Variants in GPR63 observed in about 807,000 individuals in gnomAD.
GPR63 encodes G protein-coupled receptor 63, also known as probable G protein-coupled receptor 63.
Under a neutral mutation model 23.1 loss-of-function variants are expected in GPR63, and 12 were observed. The ratio of observed to expected loss-of-function variants is 0.52; its 90% CI spans 0.33 to 0.84. The LOEUF (loss-of-function observed/expected upper bound fraction) is 0.84. Among genes scored for constraint, GPR63 ranks in the 40% least tolerant of loss-of-function variants. GPR63 has a pLI of 0.02. For synonymous variants in GPR63, 172 were observed against 191.1 expected (o/e 0.90, Z 0.82); for missense variants, 472 against 515.6 (o/e 0.92, Z 0.82).
Position 96,799,326 on chromosome 6 carries a change from G to T in GPR63, c.406C>A (p.Pro136Thr). The change falls in exon 2 of 2, where the codon CCC becomes ACC. Residue 136 changes from proline (P) to threonine (T), a missense_variant. Transcript: ENST00000229955. ...GTAAGAATAGTTACCAGGGCAAAGGGCATGTTCAGCACTGCAAGCAACATG... is the reference window on the plus strand; with the variant it reads ...GTAAGAATAGTTACCAGGGCAAAGGTCATGTTCAGCACTGCAAGCAACATG... The part of the protein sequence containing the change: ...ADMLLAVLNM[P>T]FALVTILTTR... 3 of 1,614,104 alleles carry T rather than the reference G, an allele frequency of 1.9e-6. No individual in the cohort carries two copies. The highest frequency in any genetic ancestry group is 1.7e-6 in the Non-Finnish European group (2 of 1,180,010).
chr6:96,827,618 G>A (rs553106296), intron 1 of GPR63, among the ~76,000 whole-genome samples: 1 of 152,208 alleles, frequency 6.6e-6, no homozygotes, highest in South Asian at 2.1e-4. Flanking sequence ...AGGAGAAAGA[G>A]AGTATCTTCA....
chr6:96,835,382 T>C (rs1367707888), intron 1 of GPR63, among the ~76,000 whole-genome samples: 1 of 152,132 alleles, frequency 6.6e-6, no homozygotes, highest in South Asian at 2.1e-4. Context: ...TACATAAATA[T>C]AGATATATGT....
At chr6:96,806,979 C>T (rs939377993) in intron 1 of GPR63, among the ~76,000 whole-genome samples, 2 of 152,192 alleles carry the variant, frequency 1.3e-5, no homozygotes, top group South Asian at 2.1e-4. Context: ...CTTGGAAGCC[C>T]GTAAGGGCAC....
At chr6:96,836,955 C>A (rs1774746802) in intron 1 of GPR63, among the ~76,000 whole-genome samples, 1 of 151,744 alleles carries the variant, frequency 6.6e-6, no homozygotes, top group South Asian at 2.1e-4. Flanking sequence ...CCTCTGCAGC[C>A]GACCGTTTTC....
Position 96,798,392 on chromosome 6 carries a change from A to G in GPR63, c.*80T>C, listed in dbSNP as rs1035014018. The G allele has an allele frequency of 6.9e-7, 1 of 1,442,690 alleles. No homozygotes were observed. The highest frequency in any genetic ancestry group is 9.4e-7 in the Non-Finnish European group (1 of 1,064,472). The allele number at this position is 1,442,690 out of a possible 1,614,324, so 89.4% of individuals were successfully genotyped here. ...ATACACAAACCCTATAAAAAAAAAT[A>G]AAGTGGAGAGGCTATGAGAAAGAGA... On this transcript the variant is annotated 3_prime_UTR_variant, in exon 2 of 2. Coordinates refer to ENST00000229955, the MANE Select transcript of GPR63 (RefSeq NM_030784.4).
In GPR63 at chr6:96,834,331, T is replaced by C. The variant is rs115781345; in HGVS notation, c.-151+2937A>G. On this transcript the variant is annotated intron_variant, in intron 1 of 1. Transcript: ENST00000229955. ...GCAAAAGTACCAATTTTGTGGATCA[T>C]CTAGTTCAAATTGAGGGCACATCTA... Among the ~76,000 whole-genome samples, 319 of 152,322 alleles carry C rather than the reference T, an allele frequency of 2.1e-3. 2 individuals carry two copies. The highest frequency in any genetic ancestry group is 7.1e-3 in the African/African-American group (297 of 41,576).
Position 96,799,649 on chromosome 6 carries a change from T to C in GPR63, c.83A>G (p.Asn28Ser). Residue 28 changes from asparagine (N) to serine (S), a missense_variant, in exon 2 of 2, where the codon AAT becomes AGT. By Grantham distance (46) the Asn-to-Ser change is conservative. Transcript: ENST00000229955. ...TFVVYENTYM[N>S]ITLPPPFQHP... ...CTGGAATGGTGGAGGGAGTGTAATA[T>C]TCATGTAGGTGTTTTCATACACGAC... 1 of 1,614,138 alleles carries C rather than the reference T, an allele frequency of 6.2e-7. No homozygotes were observed. The highest frequency in any genetic ancestry group is 8.5e-7 in the Non-Finnish European group (1 of 1,180,006).
chr6:96,834,712 A>G (rs563653033), intron 1 of GPR63, among the ~76,000 whole-genome samples: 8 of 152,362 alleles, frequency 5.3e-5, no homozygotes, highest in African/African-American at 1.9e-4. Context: ...ATTTTCATAC[A>G]TAAGCTGAAA....
At chr6:96,801,858 AG>A (rs973558117) in intron 1 of GPR63, among the ~76,000 whole-genome samples, 7 of 152,142 alleles carry the variant, frequency 4.6e-5, no homozygotes, top group Non-Finnish European at 8.8e-5. Flanking sequence ...TTAACCACAA[AG>A]GGGCCAGTGG....
At position 96,798,582 on chromosome 6, in the gene GPR63, C is replaced by T; in HGVS notation, c.1150G>A (p.Asp384Asn). 6.2e-7 allele frequency: 1 copy of T among 1,614,200 alleles called. No individual in the cohort carries two copies. Among genetic ancestry groups the T allele is most frequent in the African/African-American group, 1.3e-5 (1 of 75,068 alleles). The part of the protein sequence containing the change: ...RIKKFHDACL[D>N]MMPKSFKFLP... ...AACTTGAAGGACTTAGGCATCATGT[C>T]CAGGCAAGCATCATGGAATTTCTTA... The change falls in exon 2 of 2, where the codon GAC becomes AAC. Residue 384 changes from aspartate (D) to asparagine (N), a missense_variant. Transcript: ENST00000229955.
At chr6:96,825,211 C>T (rs923085429) in intron 1 of GPR63, among the ~76,000 whole-genome samples, 5 of 151,886 alleles carry the variant, frequency 3.3e-5, no homozygotes, top group Non-Finnish European at 5.9e-5. Context: ...TCAATTAGGG[C>T]GGGAACCACT....
intron 1 of GPR63, among the ~76,000 whole-genome samples, chr6:96,831,575 G>A (rs980418397): frequency 2.6e-5 from 4 of 152,112 alleles, no homozygotes; most frequent in African/African-American, 9.7e-5. Flanking sequence ...TCTATGTCTA[G>A]GGTTTTACCC....
intron 1 of GPR63, among the ~76,000 whole-genome samples, chr6:96,806,206 G>C (rs1323394535): frequency 6.6e-6 from 1 of 152,206 alleles, no homozygotes; most frequent in East Asian, 1.9e-4. Flanking sequence ...ATGTGCGACA[G>C]AGTGAAGAAA....
intron 1 of GPR63, among the ~76,000 whole-genome samples, chr6:96,811,113 T>C (rs1774031444): frequency 6.6e-6 from 1 of 152,170 alleles, no homozygotes; most frequent in Non-Finnish European, 1.5e-5. Context: ...AGCAGAGACA[T>C]CCCACCAGCC....
At position 96,797,202 on chromosome 6, in the gene GPR63, G is replaced by A. The variant is rs1317475410; in HGVS notation, c.*1270C>T. On this transcript the variant is annotated 3_prime_UTR_variant, in exon 2 of 2. Transcript: ENST00000229955. ...GCCATGATCACACCACTGCACTCCA[G>A]CCTGGGTGGCAAAGCGAGACTCCAA... The A allele has an allele frequency of 2.0e-5, 3 of 152,082 alleles. No homozygotes were observed. The highest frequency in any genetic ancestry group is 7.2e-5 in the African/African-American group (3 of 41,392). 9.4% of individuals were successfully genotyped at this position (152,082 alleles called of 1,614,324 possible).
chr6:96,801,084 A>C (rs1773751304), intron 1 of GPR63, among the ~76,000 whole-genome samples: 1 of 152,198 alleles, frequency 6.6e-6, no homozygotes, highest in Non-Finnish European at 1.5e-5. Flanking sequence ...TATAGTTAGA[A>C]AGAAGTCTCT....
intron 1 of GPR63, among the ~76,000 whole-genome samples, chr6:96,827,709 A>G (rs1265459820): frequency 1.3e-5 from 2 of 152,130 alleles, no homozygotes; most frequent in Non-Finnish European, 2.9e-5. Context: ...TTTATTCTCA[A>G]TGATAATAAT....
At chr6:96,815,650 T>G (rs1385992883) in intron 1 of GPR63, among the ~76,000 whole-genome samples, 1 of 152,212 alleles carries the variant, frequency 6.6e-6, no homozygotes, top group African/African-American at 2.4e-5. Context: ...GTGCCTTGGC[T>G]GTGGTGAAGA....
intron 1 of GPR63, among the ~76,000 whole-genome samples, chr6:96,815,926 C>T (rs571610011): frequency 1.8e-4 from 27 of 151,974 alleles, no homozygotes; most frequent in Non-Finnish European, 3.4e-4. Context: ...AAATGCGATC[C>T]GCTTCATGTT....
Sources: allele counts gnomAD v4.1 joint callset (sites outside exome capture counted in the v4.1 genomes callset), GRCh38; gene constraint gnomAD v4.1.1; transcripts MANE v1.5; gene names NCBI Gene and HGNC (gene_info 2026-07-23, HGNC 2026-07-21).